SPON1: variants seen among roughly 807,000 people sequenced by gnomAD.
The protein encoded by SPON1 is spondin 1, also known as spondin-1.
In SPON1, 52 loss-of-function variants were observed where a neutral mutation model predicts 111.7. The observed-to-expected ratio is 0.47, with a 90% confidence interval of 0.37 to 0.59. The LOEUF (loss-of-function observed/expected upper bound fraction) is 0.59, where lower values mean the gene tolerates loss of function less well. SPON1 is among the 20% of genes least tolerant of loss of function. The pLI, the probability that SPON1 is intolerant of heterozygous loss-of-function variation, is 0.00. For missense variants in SPON1, 957 were observed against 1,068.5 expected, an observed-to-expected ratio of 0.90 and a Z score of 1.46; for synonymous variants, 410 against 395.8, an observed-to-expected ratio of 1.04 and a Z score of -0.43.
At chr11:13,995,926 AT>A (rs1433395629) in intron 2 of SPON1, among the ~76,000 whole-genome samples, 1 of 152,228 alleles carries the variant, frequency 6.6e-6, no homozygotes, top group East Asian at 1.9e-4. Context: ...GAAAACAATC[AT>A]TTGCAGAAAG....
At chr11:14,029,578 G>T (rs573798874) in intron 2 of SPON1, among the ~76,000 whole-genome samples, 1 of 152,198 alleles carries the variant, frequency 6.6e-6, no homozygotes, top group Non-Finnish European at 1.5e-5. Context: ...CGCCTCACAC[G>T]TTGAATCCCA....
intron 6 of SPON1, among the ~76,000 whole-genome samples, chr11:14,239,076 G>A (rs1848896598): frequency 6.6e-6 from 1 of 152,064 alleles, no homozygotes; most frequent in Non-Finnish European, 1.5e-5. Context: ...AATGCCCAGG[G>A]CCCTAGTGCC....
intron 5 of SPON1, among the ~76,000 whole-genome samples, chr11:14,086,324 A>G (rs782521594): frequency 6.6e-6 from 1 of 152,186 alleles, no homozygotes; most frequent in Non-Finnish European, 1.5e-5. Flanking sequence ...TGTTCTATCA[A>G]TACATAATTT....
Position 14,079,902 on chromosome 11 carries a change from C to G in SPON1, c.557C>G (p.Ser186Cys). ...GTGACTTTTCTGACTGTTTCAGATT[C>G]CACATTTGATGGGGTGACTGACAAA... ...SLTKKLCEQD[S>C]TFDGVTDKPI... The change falls in exon 5 of 16, where the codon TCC becomes TGC. Residue 186 changes from serine (S) to cysteine (C), a missense_variant. By Grantham distance (112) the Ser-to-Cys change is moderately radical. Transcript: ENST00000576479. The G allele has an allele frequency of 1.2e-6, 2 of 1,613,898 alleles. No homozygotes were observed. Among genetic ancestry groups the G allele is most frequent in the Non-Finnish European group, 8.5e-7 (1 of 1,179,852 alleles).
chr11:14,121,961 C>G lies in SPON1; in HGVS notation c.677-13459C>G, dbSNP rs1374265384. ...TTGCCTTGTTTTTGAAGCAAGTCAT[C>G]ATTCTTATCTTTGTTTCCCTCATTG... On this transcript the variant is annotated intron_variant, in intron 5 of 15. Transcript: ENST00000576479. 4.0e-5 allele frequency among the ~76,000 whole-genome samples: 6 copies of G among 151,830 alleles called. No homozygotes were observed. In the East Asian group the frequency reaches 1.2e-3, roughly 29 times the overall value.
At chr11:14,090,824 G>GCCCACCCCCC (rs1849046642) in intron 5 of SPON1, among the ~76,000 whole-genome samples, 1 of 45,580 alleles carries the variant, frequency 2.2e-5, no homozygotes, top group Non-Finnish European at 3.9e-5. Flanking sequence ...CTCTTATCTG[G>GCCCACCCCCC]CCCCCCCCCC....
chr11:14,169,591 G>A (rs1848072603), intron 6 of SPON1, among the ~76,000 whole-genome samples: 1 of 151,350 alleles, frequency 6.6e-6, no homozygotes, highest in South Asian at 2.1e-4. Context: ...TCTCCTGAAT[G>A]GTATTGCCTA....
chr11:14,026,614 C>T (rs1554915337), intron 2 of SPON1, among the ~76,000 whole-genome samples: 1 of 152,078 alleles, frequency 6.6e-6, no homozygotes, highest in Non-Finnish European at 1.5e-5. Context: ...AGTTTTGATC[C>T]CATGCCGATG....
chr11:14,129,941 C>G (rs1554927386), intron 5 of SPON1, among the ~76,000 whole-genome samples: 3 of 152,124 alleles, frequency 2.0e-5, no homozygotes, highest in East Asian at 3.8e-4. Context: ...TGAGAACTCA[C>G]TCACTATCAT....
At chr11:14,202,598 C>T (rs1554935753) in intron 6 of SPON1, among the ~76,000 whole-genome samples, 1 of 152,184 alleles carries the variant, frequency 6.6e-6, no homozygotes, top group Non-Finnish European at 1.5e-5. Context: ...TTGTTCAGCC[C>T]TTCCCCCTCA....
intron 5 of SPON1, among the ~76,000 whole-genome samples, chr11:14,090,337 G>A (rs1420038928): frequency 2.6e-5 from 4 of 152,168 alleles, no homozygotes; most frequent in Non-Finnish European, 4.4e-5. Context: ...CAAAAACTAT[G>A]GGAAAAGCGT....
intron 14 of SPON1, among the ~76,000 whole-genome samples, chr11:14,260,983 A>C (rs1020767839): frequency 1.3e-5 from 2 of 152,196 alleles, no homozygotes; most frequent in African/African-American, 2.4e-5. Flanking sequence ...GTTCCTGTGA[A>C]GTCTAAATGA....
At chr11:14,045,185 A>C (rs1848658991) in intron 3 of SPON1, among the ~76,000 whole-genome samples, 1 of 152,208 alleles carries the variant, frequency 6.6e-6, no homozygotes, top group Admixed American at 6.5e-5. Flanking sequence ...GCTCAATGGC[A>C]CTTGGTATTA....
intron 6 of SPON1, among the ~76,000 whole-genome samples, chr11:14,148,617 G>A (rs1847752436): frequency 6.6e-6 from 1 of 152,124 alleles, no homozygotes; most frequent in Non-Finnish European, 1.5e-5. Flanking sequence ...TGTTATTTTA[G>A]GTGAGAAAAC....
chr11:14,126,780 G>C (rs369797027), intron 5 of SPON1, among the ~76,000 whole-genome samples: 13 of 152,198 alleles, frequency 8.5e-5, no homozygotes, highest in Admixed American at 2.6e-4. Flanking sequence ...CTTTAACCTC[G>C]TCTCCTTTTT....
intron 2 of SPON1, among the ~76,000 whole-genome samples, chr11:14,022,204 T>C (rs1398965467): frequency 2.0e-5 from 3 of 152,220 alleles, no homozygotes; most frequent in African/African-American, 7.2e-5. Flanking sequence ...TTTGGTTATT[T>C]TTAAGTGCAT....
chr11:14,245,116 G>A (rs1848974561), intron 7 of SPON1, among the ~76,000 whole-genome samples: 1 of 152,146 alleles, frequency 6.6e-6, no homozygotes, highest in South Asian at 2.1e-4. Flanking sequence ...CTGCTCAGTG[G>A]GAGAAAAGGC....
Position 13,982,911 on chromosome 11 carries a change from C to G in SPON1, c.303C>G (p.Asn101Lys), listed in dbSNP as rs1359503306. The change falls in exon 2 of 16, where the codon AAC becomes AAG. Residue 101 changes from asparagine to lysine, a missense_variant. Asn to Lys is a moderately conservative substitution (Grantham distance 94). Transcript: ENST00000576479. ...RGFTLIALRE[N>K]REGDKEEDHA... ...TCACATTAATTGCCCTCAGAGAGAA[C>G]AGAGAGGGTGATAAGGAAGAAGACC... The G allele has an allele frequency of 1.3e-6, 2 of 1,559,504 alleles. No homozygotes were observed. Among genetic ancestry groups the G allele is most frequent in the Non-Finnish European group, 1.7e-6 (2 of 1,150,762 alleles).
intron 6 of SPON1, among the ~76,000 whole-genome samples, chr11:14,242,215 G>A (rs1247077915): frequency 6.6e-6 from 1 of 152,140 alleles, no homozygotes; most frequent in Non-Finnish European, 1.5e-5. Context: ...GATTTTCTAG[G>A]CAAGGTACCC....
Sources: gnomAD v4.1 joint callset for allele counts (sites outside exome capture counted in the v4.1 genomes callset) on GRCh38, gnomAD v4.1.1 for gene constraint, MANE v1.5 for transcripts, NCBI Gene and HGNC (gene_info 2026-07-23, HGNC 2026-07-21) for gene names.